The following ARHGAP19 variants were observed in gnomAD, a reference collection of about 807,000 sequenced individuals.
ARHGAP19 encodes Rho GTPase activating protein 19.
A neutral mutation model predicts 60.9 loss-of-function variants in ARHGAP19; 48 were observed. The ratio of observed to expected loss-of-function variants is 0.79; its 90% confidence interval spans 0.62 to 1.00. The LOEUF is 1.00. Ranked by LOEUF, ARHGAP19 falls within the 50% of genes least tolerant of loss-of-function variation. The pLI is 0.00. For missense variants in ARHGAP19, 562 were observed against 597.2 expected, an observed-to-expected ratio of 0.94 and a Z score of 0.61; for synonymous variants, 209 against 215.5, an observed-to-expected ratio of 0.97 and a Z score of 0.27.
At chr10:97,275,081 G>A (rs1269892184) in intron 1 of ARHGAP19, 2 of 152,394 alleles carry the variant, frequency 1.3e-5, no homozygotes. Flanking sequence ...AACCTATGAA[G>A]GCTGCAACAG....
chr10:97,225,906 G>A lies in ARHGAP19; in HGVS notation c.*216C>T. The A allele has an allele frequency of 1.8e-6, 1 of 560,946 alleles. No homozygotes were observed. The highest frequency in any genetic ancestry group is 3.1e-6 in the Non-Finnish European group (1 of 317,936). 34.7% of individuals were successfully genotyped at this position (560,946 alleles called of 1,614,324 possible). On this transcript the variant is annotated 3_prime_UTR_variant, in exon 12 of 12. Transcript: ENST00000358531. ...GGTTTCCCCATAATATTAAAAAAGA[G>A]AGACAGGGCCTAAGCACTCTCTCAG... is the stretch of plus-strand genomic sequence containing the variant.
intron 6 of ARHGAP19, among the ~76,000 whole-genome samples, chr10:97,251,000 C>T (rs1015414854): frequency 7.3e-5 from 11 of 150,832 alleles, no homozygotes; most frequent in African/African-American, 2.4e-4. Flanking sequence ...GAAGTCAAAG[C>T]TGCAGTGAGC....
intron 1 of ARHGAP19, among the ~76,000 whole-genome samples, 159 bp downstream of exon 1, chr10:97,292,413 C>A (rs11189105): frequency 0.028 from 4,191 of 152,288 alleles, 183 homozygotes; most frequent in African/African-American, 0.092. Context: ...CGCCCAGGCC[C>A]GACCCCCGCG....
At chr10:97,281,325 C>T (rs1180353765) in intron 1 of ARHGAP19, among the ~76,000 whole-genome samples, 1 of 152,056 alleles carries the variant, frequency 6.6e-6, no homozygotes, top group East Asian at 1.9e-4. Flanking sequence ...CACCTAAGCC[C>T]AGGAGGTCAA....
intron 5 of ARHGAP19, among the ~76,000 whole-genome samples, chr10:97,258,036 T>C (rs1167777748): frequency 1.3e-5 from 2 of 152,212 alleles, no homozygotes; most frequent in African/African-American, 2.4e-5. Context: ...CTTTTCATTA[T>C]AACATTGATG....
chr10:97,287,416 G>C (rs1843169577), intron 1 of ARHGAP19, among the ~76,000 whole-genome samples: 1 of 152,178 alleles, frequency 6.6e-6, no homozygotes, highest in African/African-American at 2.4e-5. Flanking sequence ...AACATAACAT[G>C]GGAATCTTTA....
intron 8 of ARHGAP19, among the ~76,000 whole-genome samples, chr10:97,241,992 AGAGT>A (rs1842490376): frequency 6.6e-6 from 1 of 150,454 alleles, no homozygotes; most frequent in Non-Finnish European, 1.5e-5. Flanking sequence ...CCTGGGCGAC[AGAGT>A]GAGACTCTGC....
At chr10:97,243,931 C>G in intron 8 of ARHGAP19, 37 bp downstream of exon 8, 1 of 1,540,442 alleles carries the variant, frequency 6.5e-7, no homozygotes, top group Middle Eastern at 1.7e-4. Context: ...CGATTACACT[C>G]CTAAAGCCCC....
intron 8 of ARHGAP19, among the ~76,000 whole-genome samples, chr10:97,239,681 A>G (rs956838924): frequency 6.6e-6 from 1 of 151,104 alleles, no homozygotes; most frequent in African/African-American, 2.4e-5. Flanking sequence ...TAAAATCTGT[A>G]ATGTTAGTAA....
chr10:97,257,871 A>G (rs1445432829), intron 5 of ARHGAP19, among the ~76,000 whole-genome samples: 1 of 152,232 alleles, frequency 6.6e-6, no homozygotes, highest in Non-Finnish European at 1.5e-5. Context: ...AATTACTATA[A>G]CCTATTTCTA....
At chr10:97,241,213 C>T (rs1842475762) in intron 8 of ARHGAP19, among the ~76,000 whole-genome samples, 1 of 151,870 alleles carries the variant, frequency 6.6e-6, no homozygotes, top group Admixed American at 6.6e-5. Context: ...ATCCCAGCTA[C>T]TCGGGGGAGG....
At chr10:97,227,669 T>C (rs1002321979) in intron 11 of ARHGAP19, among the ~76,000 whole-genome samples, 1 of 152,204 alleles carries the variant, frequency 6.6e-6, no homozygotes, top group Non-Finnish European at 1.5e-5. Context: ...TCATTCATTA[T>C]CTCGACTTCT....
intron 8 of ARHGAP19, 42 bp from the exon 9 acceptor site, chr10:97,235,357 T>C (rs1222952391): frequency 1.3e-6 from 2 of 1,517,308 alleles, no homozygotes; most frequent in Non-Finnish European, 9.1e-7. Flanking sequence ...TACTTTCCCA[T>C]CAAGACACGG....
chr10:97,249,282 T>C (rs558390106), intron 6 of ARHGAP19, among the ~76,000 whole-genome samples: 1 of 152,208 alleles, frequency 6.6e-6, no homozygotes, highest in Non-Finnish European at 1.5e-5. Flanking sequence ...GGTTATTTAC[T>C]AACCGCAAAG....
chr10:97,251,269 T>G (rs190109520), intron 6 of ARHGAP19, among the ~76,000 whole-genome samples: 342 of 4,476 alleles, frequency 0.076, 1 homozygote, highest in East Asian at 0.081. Flanking sequence ...GGGAAGGGAA[T>G]GGGAAGGGAA....
chr10:97,288,114 AATTATT>A, intron 1 of ARHGAP19, among the ~76,000 whole-genome samples: 1 of 152,340 alleles, frequency 6.6e-6, no homozygotes, highest in Non-Finnish European at 1.5e-5. Context: ...AAGCATTTGT[AATTATT>A]AGGAGCAGTG....
At chr10:97,256,481 A>C (rs955502972) in intron 5 of ARHGAP19, 77 bp from the exon 6 acceptor site, 3 of 1,057,928 alleles carry the variant, frequency 2.8e-6, no homozygotes, top group Non-Finnish European at 4.4e-6. Context: ...CTGTTCTTTC[A>C]AATGTATGAA....
In ARHGAP19 at chr10:97,241,057, A is replaced by G. The variant is rs184078944; in HGVS notation, c.1185+2911T>C. On this transcript the variant is annotated intron_variant, in intron 8 of 11. Transcript: ENST00000358531. ...TACAGCAGGCTGGGTGCGGTGGCTC[A>G]CGCCTGTAATACCAGCACTTTGGGA... Among the ~76,000 whole-genome samples the G allele has an allele frequency of 2.8e-3, 423 of 152,334 alleles. 2 individuals carry two copies. The highest frequency in any genetic ancestry group is 8.9e-3 in the African/African-American group (372 of 41,580).
intron 1 of ARHGAP19, among the ~76,000 whole-genome samples, chr10:97,268,072 A>AT (rs1481365101): frequency 6.6e-6 from 1 of 152,186 alleles, no homozygotes; most frequent in African/African-American, 2.4e-5. Flanking sequence ...TCAAACTTTT[A>AT]TGCTCTGCTT....
Sources: allele counts gnomAD v4.1 joint callset (sites outside exome capture counted in the v4.1 genomes callset), GRCh38; gene constraint gnomAD v4.1.1; transcripts MANE v1.5; gene names NCBI Gene and HGNC (gene_info 2026-07-23, HGNC 2026-07-21).